Variants in CIB2 observed in about 807,000 individuals in gnomAD.
The protein encoded by CIB2 is calcium and integrin binding family member 2.
CIB2 carries 19 observed loss-of-function variants against 23.1 expected under a neutral mutation model. The observed-to-expected ratio is 0.82, with a 90% CI of 0.57 to 1.21. The LOEUF (loss-of-function observed/expected upper bound fraction) is 1.21. CIB2 is among the 50% of genes most tolerant of loss of function. The probability of loss-of-function intolerance (pLI) is 0.00; values close to 1 mark genes in which losing one functional copy is unlikely to be tolerated. For missense variants in CIB2, 220 were observed against 241.5 expected, an observed-to-expected ratio of 0.91 and a Z score of 0.59; for synonymous variants, 94 against 91.7, an observed-to-expected ratio of 1.03 and a Z score of -0.14.
At chr15:78,105,534 T>C (rs1285255264) in intron 5 of CIB2, 10 of 1,479,984 alleles carry the variant, frequency 6.8e-6, no homozygotes, top group Non-Finnish European at 8.0e-6. Context: ...CACTTATCAC[T>C]GAAGGGGCCC....
intron 1 of CIB2, among the ~76,000 whole-genome samples, chr15:78,127,665 T>G (rs2074399048): frequency 6.6e-6 from 1 of 152,140 alleles, no homozygotes; most frequent in Admixed American, 6.5e-5. Context: ...ATCTCCTACA[T>G]GCCTGGTCTG....
At chr15:78,124,609 C>T (rs1198361658) in intron 1 of CIB2, among the ~76,000 whole-genome samples, 1 of 152,184 alleles carries the variant, frequency 6.6e-6, no homozygotes, top group Non-Finnish European at 1.5e-5. Context: ...GGACCCAGCA[C>T]TTTGTAAAAT....
In CIB2 at chr15:78,131,265, C is replaced by A. The variant is rs761904991; in HGVS notation, c.-50G>T. ...CCGCCCGGGCTCCGACTCCCATCAGCGGCCGCCAGACCCGGAGCCAGCGCC... is the reference window on the plus strand; with the variant it reads ...CCGCCCGGGCTCCGACTCCCATCAGAGGCCGCCAGACCCGGAGCCAGCGCC... On this transcript the variant is annotated 5_prime_UTR_variant, in exon 1 of 6. Coordinates refer to ENST00000258930, the MANE Select transcript of CIB2 (RefSeq NM_006383.4). This position sits in a 1 kb window ranked among gnomAD's most constrained non-coding sequence, Gnocchi z 5.8. 7.2e-7 allele frequency: 1 copy of A among 1,381,676 alleles called. No individual in the cohort carries two copies. Among genetic ancestry groups the A allele is most frequent in the Admixed American group, 2.5e-5 (1 of 39,902 alleles). 85.6% of individuals were successfully genotyped at this position (1,381,676 alleles called of 1,614,324 possible).
At chr15:78,114,306 T>G (rs913067137) in intron 2 of CIB2, among the ~76,000 whole-genome samples, 2 of 152,152 alleles carry the variant, frequency 1.3e-5, no homozygotes, top group African/African-American at 2.4e-5. Flanking sequence ...TAAAATCACA[T>G]TGGAATTTTT....
chr15:78,106,536 T>G (rs1256607991), intron 4 of CIB2, among the ~76,000 whole-genome samples: 2 of 152,164 alleles, frequency 1.3e-5, no homozygotes, highest in African/African-American at 2.4e-5. Context: ...CATGGTTTGA[T>G]TCTACCCAGC....
intron 2 of CIB2, among the ~76,000 whole-genome samples, chr15:78,114,677 C>T (rs2074211162): frequency 6.6e-6 from 1 of 151,224 alleles, no homozygotes; most frequent in East Asian, 1.9e-4. Context: ...TGGCTCATGA[C>T]TGTAATCTAA....
rs60332437 is a variant in CIB2 at position 78,117,246 on chromosome 15, CAAAAAAAAAAAAAAAA to C, written c.87-5986_87-5971del. ...GTTAAGTGTTTCTTCAAGCTACTGG[CAAAAAAAAAAAAAAAA>C]AAAAAAAAAAAAAGTTTGTTTAAAA... On this transcript the variant is annotated intron_variant, in intron 2 of 5. Coordinates refer to ENST00000258930, the MANE Select transcript of CIB2 (RefSeq NM_006383.4). Among the ~76,000 whole-genome samples, 27 of 55,482 alleles carry C rather than the reference CAAAAAAAAAAAAAAAA, an allele frequency of 4.9e-4. 1 individual carries two copies. Among genetic ancestry groups the C allele is most frequent in the East Asian group, 2.5e-3 (2 of 800 alleles). The allele number at this position is 55,482 out of a possible 152,430, so 36.4% of individuals were successfully genotyped here. A position where few individuals can be genotyped will look rare whatever the true frequency, so the allele number is the denominator to read the frequency against.
At chr15:78,117,966 G>GT (rs1330486839) in intron 2 of CIB2, among the ~76,000 whole-genome samples, 2 of 152,118 alleles carry the variant, frequency 1.3e-5, no homozygotes, top group Non-Finnish European at 2.9e-5. Flanking sequence ...TTATGTGAAT[G>GT]GTACCACAAG....
In CIB2 at chr15:78,109,495, C is replaced by T. The variant is rs766099928; in HGVS notation, c.199-113G>A. ...GGAGGAGTGACCAAATCCCTCTGAG[C>T]CTCGGTTTCCCCATCTGTAAAAAGG... On this transcript the variant is annotated intron_variant, in intron 3 of 5. Transcript: ENST00000258930. 2.6e-6 allele frequency: 3 copies of T among 1,159,262 alleles called. No individual in the cohort carries two copies. In the South Asian group the frequency reaches 3.7e-5, roughly 14 times the overall value. The allele number at this position is 1,159,262 out of a possible 1,614,324, so 71.8% of individuals were successfully genotyped here.
rs899419567 is a variant in CIB2 at position 78,111,395 on chromosome 15, G to A, written c.87-119C>T. Reference sequence around the variant, plus strand: ...AACATCCTCAGCCAGGACCAGGTAAGGGGCCAATGGGAGGCTCTCTGCTCT... The same window carrying A: ...AACATCCTCAGCCAGGACCAGGTAAAGGGCCAATGGGAGGCTCTCTGCTCT... On this transcript the variant is annotated intron_variant, in intron 2 of 5. Transcript: ENST00000258930. The A allele has an allele frequency of 6.8e-6, 5 of 734,220 alleles. No homozygotes were observed. In the Admixed American group the frequency reaches 1.1e-4, roughly 16 times the overall value. 45.5% of individuals were successfully genotyped at this position (734,220 alleles called of 1,614,324 possible). A position where few individuals can be genotyped will look rare whatever the true frequency, so the allele number is the denominator to read the frequency against.
chr15:78,108,033 G>A (rs991036462), intron 4 of CIB2, among the ~76,000 whole-genome samples: 2 of 151,834 alleles, frequency 1.3e-5, no homozygotes, highest in African/African-American at 4.8e-5. Flanking sequence ...TTAGCCAGGT[G>A]TAGTGGCGGG....
chr15:78,122,466 T>C (rs2074332770), intron 2 of CIB2, among the ~76,000 whole-genome samples: 2 of 152,128 alleles, frequency 1.3e-5, no homozygotes, highest in Admixed American at 1.3e-4. Flanking sequence ...AGGTAAAAGG[T>C]GCCACAAGAA....
chr15:78,105,966 C>G (rs774352684), intron 4 of CIB2, 32 bp from the exon 5 acceptor site: 4 of 1,591,966 alleles, frequency 2.5e-6, no homozygotes, highest in Non-Finnish European at 3.4e-6. Context: ...TGTTCAAGTC[C>G]AGGCTGCGTG....
intron 2 of CIB2, among the ~76,000 whole-genome samples, chr15:78,115,270 T>G (rs1020189103): frequency 3.3e-5 from 5 of 152,206 alleles, no homozygotes. Flanking sequence ...TATTTATTTA[T>G]TTTTTGAGAC....
intron 2 of CIB2, among the ~76,000 whole-genome samples, chr15:78,118,157 AT>A (rs200124846): frequency 1.3e-5 from 2 of 152,194 alleles, no homozygotes; most frequent in Admixed American, 6.5e-5. Flanking sequence ...GTATAATCCC[AT>A]TTTTTTTAAA....
intron 1 of CIB2, among the ~76,000 whole-genome samples, chr15:78,124,857 C>A (rs1030073286): frequency 9.9e-5 from 15 of 152,100 alleles, no homozygotes; most frequent in African/African-American, 2.4e-4. Context: ...GACATCAGGG[C>A]AATTGGATTG....
rs12592068 is a variant in CIB2 at position 78,109,198 on chromosome 15, A to T, written c.346+37T>A. The T allele has an allele frequency of 5.6e-4, 729 of 1,302,904 alleles. 49 individuals carry two copies. In the South Asian group the frequency reaches 6.1e-3, roughly 11 times the overall value. The allele number at this position is 1,302,904 out of a possible 1,614,324, so 80.7% of individuals were successfully genotyped here. A position where few individuals can be genotyped will look rare whatever the true frequency, so the allele number is the denominator to read the frequency against. ...GCCTAAGGGCCCCACATGTTCCCCC[A>T]CCGCATATTCAGGCCCCCTCCTCTA... On this transcript the variant is annotated intron_variant, in intron 4 of 5. Transcript: ENST00000258930.
chr15:78,129,747 C>A (rs941606280), intron 1 of CIB2, among the ~76,000 whole-genome samples: 1 of 152,164 alleles, frequency 6.6e-6, no homozygotes, highest in Non-Finnish European at 1.5e-5. Flanking sequence ...CCAGCCCAGC[C>A]CACTCCCAAC....
At chr15:78,120,392 C>T (rs1222403764) in intron 2 of CIB2, among the ~76,000 whole-genome samples, 1 of 152,094 alleles carries the variant, frequency 6.6e-6, no homozygotes, top group Admixed American at 6.6e-5. Context: ...AAATAGGTTA[C>T]ACAAAGTTTT....
Sources: gnomAD v4.1 joint callset for allele counts (sites outside exome capture counted in the v4.1 genomes callset) on GRCh38, gnomAD v4.1.1 for gene constraint, Gnocchi (gnomAD v3.1) non-coding constraint, MANE v1.5 for transcripts, NCBI Gene and HGNC (gene_info 2026-07-23, HGNC 2026-07-21) for gene names.